The following ZNF264 variants were observed in gnomAD, a reference collection of about 807,000 sequenced individuals.
The protein encoded by ZNF264 is zinc finger protein 264.
In ZNF264, 11 loss-of-function variants were observed where a neutral mutation model predicts 11.2. That is an observed-to-expected ratio of 0.98 (90% CI 0.62 to 1.63). ZNF264 has a LOEUF of 1.63. Among genes scored for constraint, ZNF264 ranks in the 40% most tolerant of loss-of-function variants. The pLI is 0.00. For synonymous variants in ZNF264, 309 were observed against 279.8 expected (o/e 1.10, Z -1.04); for missense variants, 752 against 768.1 (o/e 0.98, Z 0.25).
rs372547198 is a variant in ZNF264 at position 57,218,361 on chromosome 19, C to T, written c.*5380C>T. 10 of 152,264 alleles carry T rather than the reference C, an allele frequency of 6.6e-5. No homozygotes were observed. In the East Asian group the frequency reaches 1.7e-3, roughly 26 times the overall value. 9.4% of individuals were successfully genotyped at this position (152,264 alleles called of 1,614,324 possible). ...AATAATCATTCCCTATTTTACAATGCATCAGTTCTGTCAAGCTTCATTCAA... is the reference window on the plus strand; with the variant it reads ...AATAATCATTCCCTATTTTACAATGTATCAGTTCTGTCAAGCTTCATTCAA... On this transcript the variant is annotated 3_prime_UTR_variant, in exon 4 of 4. Transcript: ENST00000263095.
chr19:57,211,561 G>T lies in ZNF264; in HGVS notation c.464G>T (p.Ser155Ile). ...DPQEKSPGKM[S>I]PECDGLGTAD... Reference sequence around the variant, plus strand: ...CAGGAGAAGTCTCCTGGGAAGATGAGCCCTGAATGTGATGGTTTAGGGACA... The same window carrying T: ...CAGGAGAAGTCTCCTGGGAAGATGATCCCTGAATGTGATGGTTTAGGGACA... Residue 155 changes from serine to isoleucine, a missense_variant, in exon 4 of 4, where the codon AGC becomes ATC. Coordinates refer to ENST00000263095, the MANE Select transcript of ZNF264 (RefSeq NM_003417.5). 1 of 1,614,032 alleles carries T rather than the reference G, an allele frequency of 6.2e-7. No homozygotes were observed. Among genetic ancestry groups the T allele is most frequent in the Non-Finnish European group, 8.5e-7 (1 of 1,179,966 alleles).
rs993144353 is a variant in ZNF264 at position 57,214,874 on chromosome 19, T to C, written c.*1893T>C. ...TATTGCTTTGATCAAGTTTTGAATATTGAGCCAGCCTTGCATCCTTAGAAT... is the reference window on the plus strand; with the variant it reads ...TATTGCTTTGATCAAGTTTTGAATACTGAGCCAGCCTTGCATCCTTAGAAT... On this transcript the variant is annotated 3_prime_UTR_variant, in exon 4 of 4. Transcript: ENST00000263095. 6.6e-6 allele frequency: 1 copy of C among 152,240 alleles called. No homozygotes were observed. The highest frequency in any genetic ancestry group is 2.4e-5 in the African/African-American group (1 of 41,468). 9.4% of individuals were successfully genotyped at this position (152,240 alleles called of 1,614,324 possible). A position where few individuals can be genotyped will look rare whatever the true frequency, so the allele number is the denominator to read the frequency against.
In ZNF264 at chr19:57,213,052, C is replaced by T. The variant is rs757220657; in HGVS notation, c.*71C>T. 666 of 1,433,548 alleles carry T rather than the reference C, an allele frequency of 4.6e-4. No homozygotes were observed. The highest frequency in any genetic ancestry group is 6.1e-4 in the Non-Finnish European group (644 of 1,062,414). The allele number at this position is 1,433,548 out of a possible 1,614,324, so 88.8% of individuals were successfully genotyped here. On this transcript the variant is annotated 3_prime_UTR_variant, in exon 4 of 4. Transcript: ENST00000263095. ...ATTAGAAATTCGTTCAGTCTAGAGCCTTATTCTCCATCTGATAATTTATCC... is the reference window on the plus strand; with the variant it reads ...ATTAGAAATTCGTTCAGTCTAGAGCTTTATTCTCCATCTGATAATTTATCC...
At position 57,205,435 on chromosome 19, in the gene ZNF264, G is replaced by C; in HGVS notation, c.199G>C (p.Glu67Gln). 6.2e-7 allele frequency: 1 copy of C among 1,612,544 alleles called. No homozygotes were observed. The highest frequency in any genetic ancestry group is 2.2e-5 in the East Asian group (1 of 44,872). Residue 67 changes from glutamate (E) to glutamine (Q), a missense_variant, in exon 3 of 4, where the codon GAG becomes CAG. Physicochemically the swap from Glu to Gln is conservative, Grantham distance 29. Coordinates refer to ENST00000263095, the MANE Select transcript of ZNF264 (RefSeq NM_003417.5). ...VPKAELICHL[E>Q]HGQEPWTRKE... ...CAAAGCTGAGCTGATCTGCCACCTA[G>C]AGCATGGGCAGGAGCCATGGACCAG...
chr19:57,201,031 T>G (rs570838415), intron 2 of ZNF264, among the ~76,000 whole-genome samples: 1 of 152,064 alleles, frequency 6.6e-6, no homozygotes, highest in South Asian at 2.1e-4. Flanking sequence ...TTGGATCAAA[T>G]TATGGACATT....
In ZNF264 at chr19:57,211,479, G is replaced by C. The variant is rs751293807; in HGVS notation, c.382G>C (p.Asp128His). 5 of 1,614,114 alleles carry C rather than the reference G, an allele frequency of 3.1e-6. No homozygotes were observed. The South Asian group carries it at 4.4e-5, about 14-fold the overall frequency. The part of the protein sequence containing the change: ...SVDSQLGQAE[D>H]QDGLSEMQEG... ...GGACTCACAGTTGGGGCAAGCCGAG[G>C]ATCAGGATGGGCTATCAGAAATGCA... The change falls in exon 4 of 4, where the codon GAT becomes CAT. Residue 128 changes from aspartate (D) to histidine (H), a missense_variant. Asp to His is a moderately conservative substitution (Grantham distance 81). Transcript: ENST00000263095.
At position 57,191,779 on chromosome 19, in the gene ZNF264, C is replaced by T. The variant is rs564861198; in HGVS notation, c.-135C>T. On this transcript the variant is annotated 5_prime_UTR_variant, in exon 1 of 4. Coordinates refer to ENST00000263095, the MANE Select transcript of ZNF264 (RefSeq NM_003417.5). ...GGCGGCGGCCCTGCGTCTGGAACGC[C>T]GTTGCCACCGAGGAGGCGGCGGCCC... 8.3e-6 allele frequency: 5 copies of T among 599,910 alleles called. No homozygotes were observed. Among genetic ancestry groups the T allele is most frequent in the Non-Finnish European group, 1.2e-5 (5 of 410,582 alleles). 37.2% of individuals were successfully genotyped at this position (599,910 alleles called of 1,614,324 possible). A position where few individuals can be genotyped will look rare whatever the true frequency, so the allele number is the denominator to read the frequency against.
intron 2 of ZNF264, among the ~76,000 whole-genome samples, chr19:57,198,070 A>C (rs528465662): frequency 6.6e-6 from 1 of 152,026 alleles, no homozygotes; most frequent in Non-Finnish European, 1.5e-5. Context: ...AGGACCGTGA[A>C]GGTATATTGC....
At chr19:57,205,281 C>T (rs1599950870) in intron 2 of ZNF264, 116 bp from the exon 3 acceptor site, 3 of 926,124 alleles carry the variant, frequency 3.2e-6, no homozygotes. Flanking sequence ...CATTCCCATG[C>T]ACAGGAGCAG....
chr19:57,195,072 GC>G (rs1366185289), intron 2 of ZNF264: 1 of 355,746 alleles, frequency 2.8e-6, no homozygotes, highest in Non-Finnish European at 5.0e-6. Flanking sequence ...GCTGGACCTA[GC>G]TGTTAACCAT....
At chr19:57,198,287 TC>T (rs2087226985) in intron 2 of ZNF264, among the ~76,000 whole-genome samples, 1 of 151,996 alleles carries the variant, frequency 6.6e-6, no homozygotes, top group African/African-American at 2.4e-5. Flanking sequence ...TTCTCTAAGA[TC>T]CGTCTGTCTT....
intron 2 of ZNF264, chr19:57,194,874 T>A (rs1378451032): frequency 5.0e-6 from 2 of 400,046 alleles, no homozygotes; most frequent in Non-Finnish European, 8.8e-6. Context: ...ATACTTTCTC[T>A]TTAAATTTAA....
chr19:57,196,730 C>G (rs1329929828), intron 2 of ZNF264, among the ~76,000 whole-genome samples: 1 of 151,948 alleles, frequency 6.6e-6, no homozygotes, highest in Non-Finnish European at 1.5e-5. Flanking sequence ...GGTGAGCACT[C>G]ACATGGGATA....
chr19:57,212,024 C>T lies in ZNF264; in HGVS notation c.927C>T (p.His309=), dbSNP rs772895140. 18 of 1,614,024 alleles carry T rather than the reference C, an allele frequency of 1.1e-5. No individual in the cohort carries two copies. The South Asian group carries it at 1.8e-4, about 16-fold the overall frequency. ...ATTTTGTCTTGCATAACAGGAGACA[C>T]ACTGGAGAAAAATCCTTTGTGTGCA... ...RSNFVLHNRR[H]TGEKSFVCTE... Residue 309 remains histidine, a synonymous_variant, in exon 4 of 4, where the codon CAC becomes CAT. Coordinates refer to ENST00000263095, the MANE Select transcript of ZNF264 (RefSeq NM_003417.5).
At position 57,211,546 on chromosome 19, in the gene ZNF264, C is replaced by G. The variant is rs568225979; in HGVS notation, c.449C>G (p.Ser150Cys). ...CCAGGAATAGATCCCCAGGAGAAGT[C>G]TCCTGGGAAGATGAGCCCTGAATGT... ...FRPGIDPQEKSPGKMSPECDG... is the reference protein window; with the variant it reads ...FRPGIDPQEKCPGKMSPECDG... The change falls in exon 4 of 4, where the codon TCT becomes TGT. Residue 150 changes from serine to cysteine, a missense_variant. Ser to Cys is a moderately radical substitution (Grantham distance 112). Transcript: ENST00000263095. 4.3e-6 allele frequency: 7 copies of G among 1,614,028 alleles called. No homozygotes were observed. In the African/African-American group the frequency reaches 9.3e-5, roughly 22 times the overall value.
Position 57,212,750 on chromosome 19 carries a change from C to T in ZNF264, c.1653C>T (p.Ser551=). 1 of 1,614,168 alleles carries T rather than the reference C, an allele frequency of 6.2e-7. No homozygotes were observed. Among genetic ancestry groups the T allele is most frequent in the Non-Finnish European group, 8.5e-7 (1 of 1,179,988 alleles). Residue 551 remains serine, a synonymous_variant, in exon 4 of 4, where the codon AGC becomes AGT. Transcript: ENST00000263095. ...CSECGKAFSR[S]SSLTQHQRMH... ...AATGTGGAAAGGCCTTCAGTCGCAG[C>T]TCGTCCCTCACTCAGCATCAAAGGA...
intron 2 of ZNF264, among the ~76,000 whole-genome samples, chr19:57,195,335 G>A (rs1158906433): frequency 6.6e-6 from 1 of 152,192 alleles, no homozygotes; most frequent in African/African-American, 2.4e-5. Context: ...TAGTACAAGT[G>A]TATACATCAC....
chr19:57,194,784 A>G, intron 2 of ZNF264: 1 of 400,124 alleles, frequency 2.5e-6, no homozygotes, highest in Non-Finnish European at 4.4e-6. Flanking sequence ...TTACAGACAC[A>G]CCCAGGATCA....
intron 3 of ZNF264, among the ~76,000 whole-genome samples, chr19:57,206,302 G>A (rs1221584949): frequency 6.6e-6 from 1 of 152,090 alleles, no homozygotes; most frequent in Admixed American, 6.5e-5. Context: ...GGAGTGCAGT[G>A]GCACAGTCTC....
Sources: gnomAD v4.1 joint callset for allele counts (sites outside exome capture counted in the v4.1 genomes callset) on GRCh38, gnomAD v4.1.1 for gene constraint, MANE v1.5 for transcripts, NCBI Gene and HGNC (gene_info 2026-07-23, HGNC 2026-07-21) for gene names.